The following RFWD3 variants were observed in gnomAD, a reference collection of about 807,000 sequenced individuals.
The protein encoded by RFWD3 is ring finger and WD repeat domain 3.
RFWD3 carries 65 observed loss-of-function variants against 87.7 expected under a neutral mutation model. The ratio of observed to expected loss-of-function variants is 0.74; its 90% CI spans 0.61 to 0.91. The LOEUF is 0.91. Ranked by LOEUF, RFWD3 falls within the 40% of genes least tolerant of loss-of-function variation. The pLI, the probability that RFWD3 is intolerant of heterozygous loss-of-function variation, is 0.00. For synonymous variants in RFWD3, 433 were observed against 352.8 expected (o/e 1.23, Z -2.55); for missense variants, 1,078 against 938.5 (o/e 1.15, Z -1.94).
rs1960377977 is a variant in RFWD3 at position 74,649,007 on chromosome 16, A to G, written c.792+125T>C. ...TGAAGTGGGAGGATCCTTTGAGCCC[A>G]GGAGTTTGAAACTGCAGTGAGTTAT... On this transcript the variant is annotated intron_variant, in intron 4 of 12. Transcript: ENST00000361070. 6 of 501,208 alleles carry G rather than the reference A, an allele frequency of 1.2e-5. No individual in the cohort carries two copies. In the South Asian group the frequency reaches 1.5e-4, roughly 13 times the overall value. 31.0% of individuals were successfully genotyped at this position (501,208 alleles called of 1,614,324 possible).
intron 1 of RFWD3, chr16:74,664,592 CA>C (rs957091489): frequency 6.6e-6 from 1 of 151,934 alleles, no homozygotes. Context: ...ACAAAAAATA[CA>C]AAAAAATTAG....
At position 74,626,465 on chromosome 16, in the gene RFWD3, C is replaced by A. The variant is rs776553550; in HGVS notation, c.2059G>T (p.Val687Leu). 1.2e-6 allele frequency: 2 copies of A among 1,614,128 alleles called. No homozygotes were observed. The highest frequency in any genetic ancestry group is 1.3e-5 in the African/African-American group (1 of 75,036). ...TGNPICSCQP[V>L]HTFFGGPTCK... ...GTAGGTCCTCCAAAAAATGTATGTA[C>A]AGGCTGGCAGGAGCAGATTGGATTT... The change falls in exon 12 of 13, where the codon GTA (valine) becomes TTA (leucine). Residue 687 changes from valine (V) to leucine (L), a missense_variant. By Grantham distance (32) the Val-to-Leu change is conservative. Coordinates refer to ENST00000361070, the MANE Select transcript of RFWD3 (RefSeq NM_018124.4).
chr16:74,635,450 G>A (rs1169900015), intron 8 of RFWD3, among the ~76,000 whole-genome samples: 1 of 147,880 alleles, frequency 6.8e-6, no homozygotes, highest in African/African-American at 2.5e-5. Context: ...CTGCGCAAAA[G>A]AGTGAGACTC....
chr16:74,659,889 TCA>T (rs1200287898), intron 2 of RFWD3, among the ~76,000 whole-genome samples: 4 of 152,248 alleles, frequency 2.6e-5, no homozygotes, highest in South Asian at 4.1e-4. Context: ...CTCAATATTT[TCA>T]CAGTGTTAGA....
intron 2 of RFWD3, among the ~76,000 whole-genome samples, chr16:74,655,483 G>A (rs1368899940): frequency 2.0e-5 from 3 of 150,166 alleles, no homozygotes; most frequent in African/African-American, 7.4e-5. Flanking sequence ...TCCTGACCTC[G>A]TGATTCGCCC....
At chr16:74,628,816 C>A (rs66769310) in intron 10 of RFWD3, 150 bp from the exon 11 acceptor site, 9,200 of 649,474 alleles carry the variant, frequency 0.014, 102 homozygotes, top group Middle Eastern at 0.022. Context: ...AAATTATCAA[C>A]CCTCTCTGTA....
At chr16:74,660,747 T>G (rs1961361082) in intron 2 of RFWD3, 185 bp downstream of exon 2, 4 of 618,790 alleles carry the variant, frequency 6.5e-6, no homozygotes, top group South Asian at 6.3e-5. Flanking sequence ...GGCACAACAG[T>G]TTAACTTATC....
intron 11 of RFWD3, 102 bp downstream of exon 11, chr16:74,628,350 G>C: frequency 2.8e-6 from 3 of 1,071,918 alleles, no homozygotes; most frequent in Non-Finnish European, 4.1e-6. Context: ...GTTAGCCTGT[G>C]AGCGGTACCA....
At chr16:74,624,387 C>G (rs138984449) in intron 12 of RFWD3, among the ~76,000 whole-genome samples, 18 of 152,314 alleles carry the variant, frequency 1.2e-4, no homozygotes, top group Admixed American at 3.3e-4. Context: ...TCTTTGCCCT[C>G]ATGGAACTCA....
rs1959975936 is a variant in RFWD3 at position 74,644,726 on chromosome 16, G to T, written c.802C>A (p.Gln268Lys). The change falls in exon 5 of 13, where the codon CAG becomes AAG. Residue 268 changes from glutamine (Q) to lysine (K), a missense_variant. Coordinates refer to ENST00000361070, the MANE Select transcript of RFWD3 (RefSeq NM_018124.4). The part of the protein sequence containing the change: ...GKTLPKQPSP[Q>K]KSEPLLPSAS... ...GAAGGTAGCAGAGGCTCAGACTTCTGGGGAGATGGCTAGATGGAAAGCAGA... is the reference window on the plus strand; with the variant it reads ...GAAGGTAGCAGAGGCTCAGACTTCTTGGGAGATGGCTAGATGGAAAGCAGA... 1.2e-6 allele frequency: 2 copies of T among 1,610,930 alleles called. No individual in the cohort carries two copies. The highest frequency in any genetic ancestry group is 2.2e-5 in the South Asian group (2 of 90,986).
intron 9 of RFWD3, among the ~76,000 whole-genome samples, chr16:74,631,563 C>G (rs1013249502): frequency 2.0e-5 from 3 of 152,066 alleles, no homozygotes; most frequent in African/African-American, 7.2e-5. Flanking sequence ...TATAAAGGCA[C>G]GGAGCACACT....
chr16:74,639,978 ATTTATTATTGTT>A, intron 6 of RFWD3, among the ~76,000 whole-genome samples: 2 of 151,916 alleles, frequency 1.3e-5, no homozygotes. Flanking sequence ...CTATTTTATT[ATTTATTATTGTT>A]AATCTCTTAC....
chr16:74,662,896 T>C (rs1961570919), intron 1 of RFWD3, among the ~76,000 whole-genome samples: 1 of 151,162 alleles, frequency 6.6e-6, no homozygotes, highest in South Asian at 2.1e-4. Context: ...ATCTTCAGAA[T>C]GGTCATGCTT....
chr16:74,663,411 TG>T (rs1202809049), intron 1 of RFWD3, among the ~76,000 whole-genome samples: 2 of 152,096 alleles, frequency 1.3e-5, no homozygotes, highest in African/African-American at 4.8e-5. Context: ...AACAATTGAG[TG>T]TCAAGTGCTA....
intron 10 of RFWD3, among the ~76,000 whole-genome samples, chr16:74,629,451 C>CG (rs1567566909): frequency 1.3e-5 from 2 of 152,102 alleles, no homozygotes; most frequent in Non-Finnish European, 2.9e-5. Flanking sequence ...TTGAGGTCAC[C>CG]GGTTTGAGAC....
At chr16:74,644,481 A>C in intron 5 of RFWD3, 28 bp from the exon 6 acceptor site, 1 of 1,614,078 alleles carries the variant, frequency 6.2e-7, no homozygotes, top group Non-Finnish European at 8.5e-7. Context: ...ACATAATTAG[A>C]GTGGTTCTAG....
intron 2 of RFWD3, 62 bp downstream of exon 2, chr16:74,660,870 A>G (rs1961370955): frequency 6.6e-7 from 1 of 1,524,202 alleles, no homozygotes. Context: ...TGAATGGCAG[A>G]GCCTCAGTTT....
chr16:74,636,678 A>T (rs2144119395), intron 7 of RFWD3, 101 bp from the exon 8 acceptor site: 1 of 901,562 alleles, frequency 1.1e-6, no homozygotes, highest in South Asian at 1.7e-5. Flanking sequence ...TATCCATTAT[A>T]TGAAAGTGTT....
At chr16:74,643,193 T>C (rs1161662153) in intron 6 of RFWD3, among the ~76,000 whole-genome samples, 2 of 151,626 alleles carry the variant, frequency 1.3e-5, no homozygotes, top group Admixed American at 6.6e-5. Context: ...GTTGGCCAGG[T>C]TGGTCTTGAA....
Sources: allele counts gnomAD v4.1 joint callset (sites outside exome capture counted in the v4.1 genomes callset), GRCh38; gene constraint gnomAD v4.1.1; transcripts MANE v1.5; gene names NCBI Gene and HGNC (gene_info 2026-07-23, HGNC 2026-07-21).